The following TMEM161B variants were observed in gnomAD, a reference collection of about 807,000 sequenced individuals.
TMEM161B encodes the protein transmembrane protein 161B.
A neutral mutation model predicts 61.8 loss-of-function variants in TMEM161B; 34 were observed. The observed-to-expected ratio is 0.55, with a 90% CI of 0.42 to 0.73. TMEM161B has a LOEUF of 0.73. Ranked by LOEUF, TMEM161B falls within the 30% of genes least tolerant of loss-of-function variation. TMEM161B has a pLI of 0.00. For synonymous variants in TMEM161B, 167 were observed against 192.8 expected, an observed-to-expected ratio of 0.87 and a Z score of 1.11; for missense variants, 456 against 558.5, an observed-to-expected ratio of 0.82 and a Z score of 1.85.
intron 4 of TMEM161B, among the ~76,000 whole-genome samples, chr5:88,222,675 C>A (rs1442086344): frequency 6.6e-6 from 1 of 152,134 alleles, no homozygotes; most frequent in Non-Finnish European, 1.5e-5. Flanking sequence ...AAGTGACATT[C>A]AAAAGTTCTA....
intron 1 of TMEM161B, among the ~76,000 whole-genome samples, chr5:88,266,087 G>A (rs1380849680): frequency 2.0e-5 from 3 of 152,226 alleles, no homozygotes; most frequent in African/African-American, 4.8e-5. Context: ...AAAATTAAGC[G>A]TGAGTTCAGT....
intron 9 of TMEM161B, chr5:88,201,923 C>T (rs1487338407): frequency 8.9e-6 from 2 of 224,406 alleles, no homozygotes; most frequent in African/African-American, 4.5e-5. Context: ...AAACTGGTAC[C>T]AGGATCTAAA....
At chr5:88,216,737 C>T (rs1296487348) in intron 5 of TMEM161B, among the ~76,000 whole-genome samples, 2 of 152,146 alleles carry the variant, frequency 1.3e-5, no homozygotes, top group African/African-American at 4.8e-5. Flanking sequence ...GTGCCACAGT[C>T]TCCGGTTAAA....
intron 4 of TMEM161B, among the ~76,000 whole-genome samples, chr5:88,223,472 A>G (rs913390812): frequency 6.6e-6 from 1 of 152,224 alleles, no homozygotes. Flanking sequence ...AAGTAAGCGC[A>G]TATAGGAGTA....
At chr5:88,203,241 C>T (rs1308089471) in intron 8 of TMEM161B, among the ~76,000 whole-genome samples, 166 bp from the exon 9 acceptor site, 1 of 152,054 alleles carries the variant, frequency 6.6e-6, no homozygotes, top group African/African-American at 2.4e-5. Context: ...TGATTTAACA[C>T]TGATTTGAGC....
chr5:88,225,908 C>T, intron 3 of TMEM161B, 42 bp from the exon 4 acceptor site: 1 of 1,258,424 alleles, frequency 7.9e-7, no homozygotes, highest in Non-Finnish European at 1.1e-6. Context: ...AAGTTACCTA[C>T]ACTGTTATCC....
chr5:88,218,490 T>TA (rs1166648995), intron 5 of TMEM161B, among the ~76,000 whole-genome samples: 11 of 151,232 alleles, frequency 7.3e-5, no homozygotes, highest in African/African-American at 1.2e-4. Context: ...AACAGAACTT[T>TA]AAAAAAAAAT....
At chr5:88,192,454 A>G (rs1749054041), downstream of TMEM161B, among the ~76,000 whole-genome samples, 1 of 152,216 alleles carries the variant, frequency 6.6e-6, no homozygotes, top group Non-Finnish European at 1.5e-5. Flanking sequence ...GAAAAGGTTG[A>G]CATTAGCTTT....
intron 8 of TMEM161B, among the ~76,000 whole-genome samples, chr5:88,204,706 T>G (rs1460755840): frequency 3.4e-5 from 5 of 148,324 alleles, no homozygotes; most frequent in African/African-American, 1.3e-4. Flanking sequence ...GGGAGACGGG[T>G]GGTGGGAGAA....
intron 9 of TMEM161B, chr5:88,202,136 C>G (rs1744523372): frequency 2.2e-6 from 1 of 453,956 alleles, no homozygotes; most frequent in African/African-American, 2.0e-5. Context: ...GATGGGGAAA[C>G]AGAGGCTCAG....
intron 4 of TMEM161B, among the ~76,000 whole-genome samples, chr5:88,222,463 T>G (rs907345782): frequency 2.0e-5 from 3 of 151,602 alleles, no homozygotes; most frequent in South Asian, 2.1e-4. Flanking sequence ...CTCAATCCCT[T>G]CCCCCTGCTA....
intron 5 of TMEM161B, among the ~76,000 whole-genome samples, chr5:88,211,517 T>C (rs1746759699): frequency 6.6e-6 from 1 of 151,726 alleles, no homozygotes; most frequent in Non-Finnish European, 1.5e-5. Context: ...CCCAGCACTT[T>C]GGGAGGCTGA....
chr5:88,224,240 G>C (rs1460008855), intron 4 of TMEM161B, among the ~76,000 whole-genome samples: 1 of 151,962 alleles, frequency 6.6e-6, no homozygotes, highest in Admixed American at 6.6e-5. Context: ...AAAATCACTT[G>C]GAGCACTTTT....
intron 1 of TMEM161B, among the ~76,000 whole-genome samples, chr5:88,241,670 C>G (rs1752758590): frequency 6.6e-6 from 1 of 151,884 alleles, no homozygotes; most frequent in Non-Finnish European, 1.5e-5. Flanking sequence ...TGTTACCACC[C>G]ACTTCCAGTG....
chr5:88,211,729 C>T (rs1280391946), intron 5 of TMEM161B, among the ~76,000 whole-genome samples: 5 of 148,642 alleles, frequency 3.4e-5, no homozygotes, highest in Non-Finnish European at 5.9e-5. Context: ...CGAGATCGCA[C>T]CACTGCATGC....
At chr5:88,219,060 A>T (rs1434303586) in intron 5 of TMEM161B, among the ~76,000 whole-genome samples, 1 of 152,170 alleles carries the variant, frequency 6.6e-6, no homozygotes, top group African/African-American at 2.4e-5. Context: ...GGGAAGGTCA[A>T]CCAATCTAGA....
At chr5:88,210,602 C>T (rs1251816828) in intron 5 of TMEM161B, among the ~76,000 whole-genome samples, 2 of 152,110 alleles carry the variant, frequency 1.3e-5, no homozygotes, top group East Asian at 1.9e-4. Context: ...GCATCAAAAA[C>T]AGGATGATTA....
intron 4 of TMEM161B, chr5:88,221,705 G>A (rs923133311): frequency 5.5e-5 from 25 of 455,820 alleles, no homozygotes; most frequent in Non-Finnish European, 1.1e-4. Flanking sequence ...AGGTATTCTG[G>A]TTTACTTCTA....
At chr5:88,247,884 G>A (rs1223464931) in intron 1 of TMEM161B, among the ~76,000 whole-genome samples, 1 of 151,990 alleles carries the variant, frequency 6.6e-6, no homozygotes, top group Non-Finnish European at 1.5e-5. Context: ...ACATGTGTGG[G>A]GCACTGGACC....
Sources: gnomAD v4.1 joint callset for allele counts (sites outside exome capture counted in the v4.1 genomes callset) on GRCh38, gnomAD v4.1.1 for gene constraint, MANE v1.5 for transcripts, NCBI Gene and HGNC (gene_info 2026-07-23, HGNC 2026-07-21) for gene names.